Variants in CORO2B observed in about 807,000 individuals in gnomAD.
CORO2B encodes the protein coronin 2B.
Under a neutral mutation model 58.8 loss-of-function variants are expected in CORO2B, and 26 were observed. The ratio of observed to expected loss-of-function variants is 0.44; its 90% CI spans 0.32 to 0.61. The LOEUF is 0.61. Among genes scored for constraint, CORO2B ranks in the 20% least tolerant of loss-of-function variants. The pLI is 0.04. For synonymous variants in CORO2B, 242 were observed against 253.8 expected, an observed-to-expected ratio of 0.95 and a Z score of 0.44; for missense variants, 460 against 645.1, an observed-to-expected ratio of 0.71 and a Z score of 3.11.
intron 3 of CORO2B, among the ~76,000 whole-genome samples, chr15:68,708,080 G>A (rs548835785): frequency 1.2e-4 from 19 of 152,226 alleles, no homozygotes; most frequent in African/African-American, 4.6e-4. Context: ...TTCGCAAGTG[G>A]GCTTTTGAAA....
the CORO2B span, among the ~76,000 whole-genome samples, chr15:68,529,325 G>A: frequency 6.6e-6 from 1 of 152,076 alleles, no homozygotes; most frequent in Non-Finnish European, 1.5e-5. Context: ...ATTTGCTTAT[G>A]TTCTTTTCAA....
At chr15:68,679,848 T>A (rs1902714909) in intron 2 of CORO2B, among the ~76,000 whole-genome samples, 1 of 152,206 alleles carries the variant, frequency 6.6e-6, no homozygotes, top group South Asian at 2.1e-4. Flanking sequence ...AAGGACATTT[T>A]CAAGGCCATA....
intron 1 of CORO2B, among the ~76,000 whole-genome samples, chr15:68,591,885 G>A (rs1366797303): frequency 8.5e-5 from 13 of 152,186 alleles, no homozygotes; most frequent in Admixed American, 8.5e-4. Flanking sequence ...GCACTGGAAT[G>A]GGATTTCAGG....
At chr15:68,648,198 T>A (rs1475756333) in intron 2 of CORO2B, among the ~76,000 whole-genome samples, 1 of 148,796 alleles carries the variant, frequency 6.7e-6, no homozygotes, top group Admixed American at 6.7e-5. Flanking sequence ...CTGGGCATGA[T>A]GGCATGTGCC....
chr15:68,677,880 A>T (rs1291295415), intron 2 of CORO2B, among the ~76,000 whole-genome samples: 2 of 152,062 alleles, frequency 1.3e-5, no homozygotes, highest in African/African-American at 2.4e-5. Flanking sequence ...ACAGGTCCTG[A>T]TCCCCTGGTT....
At chr15:68,521,430 A>G in the CORO2B span, among the ~76,000 whole-genome samples, 2 of 152,090 alleles carry the variant, frequency 1.3e-5, no homozygotes, top group African/African-American at 4.8e-5. Context: ...TTTTAGTTCT[A>G]TATATATTTT....
intron 3 of CORO2B, among the ~76,000 whole-genome samples, chr15:68,706,439 A>G (rs977948870): frequency 1.3e-5 from 2 of 152,180 alleles, no homozygotes; most frequent in Non-Finnish European, 2.9e-5. Flanking sequence ...GGCAAGTTCA[A>G]CACCACACCC....
chr15:68,683,826 A>G (rs1388194616), intron 2 of CORO2B, among the ~76,000 whole-genome samples: 1 of 152,184 alleles, frequency 6.6e-6, no homozygotes, highest in Non-Finnish European at 1.5e-5. Flanking sequence ...ACCAGGAACC[A>G]AAGGTCCCTC....
Position 68,719,395 on chromosome 15 carries a change from T to C in CORO2B, c.1172-18T>C, listed in dbSNP as rs1284034308. On this transcript the variant is annotated intron_variant, in intron 10 of 11. Coordinates refer to ENST00000261861, the MANE Select transcript of CORO2B (RefSeq NM_006091.5). ...TCCATGGGATCGTCAGTGAGAGCGT[T>C]TCCCTTGCCTTCTTTAGATCCCGTG... The C allele has an allele frequency of 1.9e-6, 3 of 1,612,580 alleles. No individual in the cohort carries two copies. The South Asian group carries it at 3.3e-5, about 18-fold the overall frequency.
intron 1 of CORO2B, chr15:68,641,641 G>A: frequency 9.3e-6 from 9 of 968,440 alleles, no homozygotes; most frequent in Non-Finnish European, 1.1e-5. Context: ...AGGTCAGCAT[G>A]TCCTGTGCTG....
At chr15:68,599,244 T>G (rs1360022204) in intron 1 of CORO2B, among the ~76,000 whole-genome samples, 1 of 152,166 alleles carries the variant, frequency 6.6e-6, no homozygotes, top group African/African-American at 2.4e-5. Context: ...TGCTCCAAAC[T>G]CTATCCTTCT....
chr15:68,700,853 C>A (rs1596024713), intron 3 of CORO2B, among the ~76,000 whole-genome samples: 1 of 152,226 alleles, frequency 6.6e-6, no homozygotes, highest in East Asian at 1.9e-4. Context: ...AGAGCGATCC[C>A]AGGAGAGAGG....
At chr15:68,606,067 C>T (rs1900115553) in intron 1 of CORO2B, among the ~76,000 whole-genome samples, 2 of 151,684 alleles carry the variant, frequency 1.3e-5, no homozygotes, top group African/African-American at 2.4e-5. Flanking sequence ...GGTGAAGCCT[C>T]GTTTACTGAA....
intron 2 of CORO2B, among the ~76,000 whole-genome samples, chr15:68,685,888 C>T (rs892519981): frequency 2.6e-5 from 4 of 152,010 alleles, no homozygotes; most frequent in African/African-American, 4.8e-5. Context: ...AAGCTCTAGG[C>T]GGAGGAGAGA....
chr15:68,645,277 T>TC lies in CORO2B; in HGVS notation c.133_134insC (p.Phe45SerfsTer33). The TC allele has an allele frequency of 6.2e-7, 1 of 1,614,150 alleles. No homozygotes were observed. The highest frequency in any genetic ancestry group is 8.5e-7 in the Non-Finnish European group (1 of 1,180,006). On this transcript the variant is annotated frameshift_variant, in exon 2 of 12. Transcript: ENST00000261861. LOFTEE classifies it high-confidence loss of function. This position sits in a 1 kb window ranked among gnomAD's most constrained non-coding sequence, Gnocchi z 4.5. ...CACCAAGAATGTGCACGACAACCAC[T>TC]TCTGTGCCGTCAACACCCGCTTCCT... is the stretch of plus-strand genomic sequence containing the variant.
At chr15:68,598,791 C>T (rs936244240) in intron 1 of CORO2B, among the ~76,000 whole-genome samples, 5 of 152,168 alleles carry the variant, frequency 3.3e-5, no homozygotes, top group South Asian at 4.1e-4. Flanking sequence ...TGTACAGAAA[C>T]GCTGCCAAAA....
the CORO2B span, among the ~76,000 whole-genome samples, chr15:68,560,054 C>T: frequency 2.6e-5 from 4 of 152,232 alleles, no homozygotes; most frequent in African/African-American, 9.6e-5. Flanking sequence ...CCGGTGGAGA[C>T]TGCCGATTTG....
chr15:68,614,790 T>A, intron 1 of CORO2B, among the ~76,000 whole-genome samples: 1 of 152,214 alleles, frequency 6.6e-6, no homozygotes, highest in East Asian at 1.9e-4. Context: ...TCCTCTCAGC[T>A]CTGACTGGAG....
At chr15:68,626,714 C>A (rs547238595) in intron 1 of CORO2B, among the ~76,000 whole-genome samples, 1 of 152,294 alleles carries the variant, frequency 6.6e-6, no homozygotes, top group Admixed American at 6.5e-5. Context: ...TCATCAAGTC[C>A]ATTTCGTTGG....
Sources: allele counts gnomAD v4.1 joint callset (sites outside exome capture counted in the v4.1 genomes callset), GRCh38; gene constraint gnomAD v4.1.1; non-coding constraint Gnocchi (gnomAD v3.1); transcripts MANE v1.5; gene names NCBI Gene and HGNC (gene_info 2026-07-23, HGNC 2026-07-21).